The following ABCB6 variants were observed in gnomAD, a reference collection of about 807,000 sequenced individuals.
ABCB6 encodes the protein ATP-binding cassette sub-family B member 6.
A neutral mutation model predicts 99.4 loss-of-function variants in ABCB6; 87 were observed. That is an observed-to-expected ratio of 0.88 (90% CI 0.74 to 1.05). ABCB6 has a LOEUF of 1.05. Ranked by LOEUF, ABCB6 falls within the 50% of genes least tolerant of loss-of-function variation. The probability of loss-of-function intolerance (pLI) is 0.00; values close to 1 mark genes in which losing one functional copy is unlikely to be tolerated. For missense variants in ABCB6, 1,050 were observed against 1,097.9 expected, an observed-to-expected ratio of 0.96 and a Z score of 0.62; for synonymous variants, 482 against 447.5, an observed-to-expected ratio of 1.08 and a Z score of -0.97.
chr2:219,212,547 G>A (rs111766784), intron 13 of ABCB6, 56 bp from the exon 14 acceptor site: 701 of 1,341,270 alleles, frequency 5.2e-4, no homozygotes, highest in Middle Eastern at 9.1e-4. Flanking sequence ...TTTTGAGACC[G>A]AATCTCACTC....
rs114354921 is a variant in ABCB6 at position 219,212,539 on chromosome 2, T to C, written c.1864-48A>G. On this transcript the variant is annotated intron_variant, in intron 13 of 18. Coordinates refer to ENST00000265316, the MANE Select transcript of ABCB6 (RefSeq NM_005689.4). ...AATCTCAGGCCCACTGGCTTTTTTT[T>C]TGAGACCGAATCTCACTCCGTCACC... 5.2e-3 allele frequency: 7,561 copies of C among 1,463,282 alleles called. 41 individuals are homozygous for C. Among genetic ancestry groups the C allele is most frequent in the Non-Finnish European group, 5.1e-3 (5,402 of 1,050,456 alleles). The allele number at this position is 1,463,282 out of a possible 1,614,324, so 90.6% of individuals were successfully genotyped here.
At chr2:219,213,782 C>A (rs777349105) in intron 9 of ABCB6, 44 bp downstream of exon 9, 1 of 1,613,726 alleles carries the variant, frequency 6.2e-7, no homozygotes, top group Non-Finnish European at 8.5e-7. Flanking sequence ...CCTCAGGCCC[C>A]CTTTTCCTTG....
At position 219,209,837 on chromosome 2, in the gene ABCB6, T is replaced by C. The variant is rs1950551955; in HGVS notation, c.*101A>G. 1 of 928,108 alleles carries C rather than the reference T, an allele frequency of 1.1e-6. No homozygotes were observed. Among genetic ancestry groups the C allele is most frequent in the Non-Finnish European group, 1.8e-6 (1 of 564,226 alleles). 57.5% of individuals were successfully genotyped at this position (928,108 alleles called of 1,614,324 possible). On this transcript the variant is annotated 3_prime_UTR_variant, in exon 19 of 19. Transcript: ENST00000265316. ...AAAGGTCCCTTTCCCTTACCATAGC[T>C]AGCACCATACCCCAAGACCAGGATG...
chr2:219,218,398 AGCCAGGCCG>A lies in ABCB6; in HGVS notation c.267_275del (p.Leu91_Gly93del), dbSNP rs1333965835. ...CCCCCCGGGCAGTGCCCACCCGGCC[AGCCAGGCCG>A]GCCAGGGGCAGCGCCGCCTGAAGTG... On this transcript the variant is annotated inframe_deletion, in exon 1 of 19. Coordinates refer to ENST00000265316, the MANE Select transcript of ABCB6 (RefSeq NM_005689.4). The A allele has an allele frequency of 1.9e-6, 3 of 1,611,962 alleles. No homozygotes were observed. In the African/African-American group the frequency reaches 4.0e-5, roughly 22 times the overall value.
chr2:219,214,121 C>A lies in ABCB6; in HGVS notation c.1452G>T (p.Gln484His). ...ERYREAIIKY[Q>H]GLEWKSSASL... ...GGAGGCCTCAAACTAGCATCCTCAC[C>A]TGATATTTGATGATGGCCTCTCGAT... Residue 484 changes from glutamine to histidine, a missense_variant and splice_region_variant, in exon 8 of 19, where the codon CAG becomes CAT. Coordinates refer to ENST00000265316, the MANE Select transcript of ABCB6 (RefSeq NM_005689.4). The A allele has an allele frequency of 1.2e-6, 2 of 1,614,156 alleles. No individual in the cohort carries two copies. The highest frequency in any genetic ancestry group is 1.7e-6 in the Non-Finnish European group (2 of 1,180,008).
rs761787737 is a variant in ABCB6 at position 219,210,689 on chromosome 2, G to T, written c.2256+22C>A. On this transcript the variant is annotated intron_variant, in intron 16 of 18. Coordinates refer to ENST00000265316, the MANE Select transcript of ABCB6 (RefSeq NM_005689.4). The stretch of plus-strand genomic sequence containing the variant: ...TTGAGCATACACAAGGCAGGAAGGA[G>T]GGGAGGAGACCCAGGGCGCACCTCA... 5 of 1,613,090 alleles carry T rather than the reference G, an allele frequency of 3.1e-6. No homozygotes were observed. The Admixed American group carries it at 8.3e-5, about 27-fold the overall frequency.
intron 16 of ABCB6, 38 bp from the exon 17 acceptor site, chr2:219,210,513 C>G (rs1227606966): frequency 6.2e-7 from 1 of 1,607,528 alleles, no homozygotes; most frequent in Admixed American, 1.7e-5. Context: ...TCCTGCCACT[C>G]AAAACCCTCA....
In ABCB6 at chr2:219,216,360, A is replaced by C. The variant is rs2106428298; in HGVS notation, c.970+4T>G. On this transcript the variant is annotated splice_donor_region_variant and intron_variant, in intron 4 of 18. Transcript: ENST00000265316. The surrounding 1 kb of genome is among the most constrained non-coding windows in gnomAD (Gnocchi z 4.2). ...TAGCAGGGTGAGGGCGGAGTCTCTC[A>C]TACCTGTACTGCCAGTGCCACCCCC... The C allele has an allele frequency of 6.2e-7, 1 of 1,613,326 alleles. No individual in the cohort carries two copies. Among genetic ancestry groups the C allele is most frequent in the South Asian group, 1.1e-5 (1 of 91,072 alleles).
At position 219,211,335 on chromosome 2, in the gene ABCB6, A is replaced by G. The variant is rs560165135; in HGVS notation, c.1969-227T>C. ...TTTGTTTTGTTTTTGGATAGAGTCC[A>G]CTCTGTCACCCAGGCTGGACTGCAG... On this transcript the variant is annotated intron_variant, in intron 14 of 18. Coordinates refer to ENST00000265316, the MANE Select transcript of ABCB6 (RefSeq NM_005689.4). Among the ~76,000 whole-genome samples the G allele has an allele frequency of 7.9e-5, 12 of 152,136 alleles. No homozygotes were observed. In the South Asian group the frequency reaches 2.5e-3, roughly 32 times the overall value.
rs992333939 is a variant in ABCB6 at position 219,210,907 on chromosome 2, G to A, written c.2143+27C>T. 3.7e-6 allele frequency: 6 copies of A among 1,613,678 alleles called. No homozygotes were observed. The African/African-American group carries it at 5.3e-5, about 14-fold the overall frequency. ...TAGCAGGACAACACCAGGAGGGGAG[G>A]GGACTCTCTGCAAAGGAATCTCTCA... On this transcript the variant is annotated intron_variant, in intron 15 of 18. Transcript: ENST00000265316.
At chr2:219,215,855 TA>T in intron 5 of ABCB6, 141 bp downstream of exon 5, 2 of 847,442 alleles carry the variant, frequency 2.4e-6, no homozygotes, top group Non-Finnish European at 3.4e-6. Flanking sequence ...GGAGAGCATG[TA>T]TACAATAATC....
chr2:219,215,133 C>T, intron 5 of ABCB6, 51 bp from the exon 6 acceptor site: 5 of 1,610,564 alleles, frequency 3.1e-6, no homozygotes, highest in Non-Finnish European at 4.2e-6. Flanking sequence ...TTAGACCCAG[C>T]AACCCTGCCT....
In ABCB6 at chr2:219,213,878, A is replaced by T. The variant is rs1950607978; in HGVS notation, c.1526T>A (p.Leu509His). 1 of 1,614,186 alleles carries T rather than the reference A, an allele frequency of 6.2e-7. No homozygotes were observed. Among genetic ancestry groups the T allele is most frequent in the Non-Finnish European group, 8.5e-7 (1 of 1,180,046 alleles). Residue 509 changes from leucine to histidine, a missense_variant, in exon 9 of 19, where the codon CTC becomes CAC. By Grantham distance (99) the Leu-to-His change is moderately conservative (BLOSUM62 -3). Transcript: ENST00000265316. ...TGCGCAAAGCAGGGAGCCGGCGAGG[A>T]GCCCGAGCCCAATCACCAGGTTCTG... Reference protein sequence around the residue: ...QTQNLVIGLGLLAGSLLCAYF... With the variant: ...QTQNLVIGLGHLAGSLLCAYF...
chr2:219,210,826 G>C lies in ABCB6; in HGVS notation c.2144-3C>G. ...CTCGCCCACCTGTGTCCTGTACCCT[G>C]TGGATATTACCCACCACACGTTTCT... is the stretch of plus-strand genomic sequence containing the variant. On this transcript the variant is annotated splice_region_variant and splice_polypyrimidine_tract_variant and intron_variant, in intron 15 of 18. Coordinates refer to ENST00000265316, the MANE Select transcript of ABCB6 (RefSeq NM_005689.4). The C allele has an allele frequency of 6.2e-7, 1 of 1,613,884 alleles. No homozygotes were observed. The highest frequency in any genetic ancestry group is 8.5e-7 in the Non-Finnish European group (1 of 1,179,950).
intron 12 of ABCB6, 56 bp from the exon 13 acceptor site, chr2:219,213,121 T>C: frequency 1.2e-6 from 2 of 1,607,064 alleles, no homozygotes; most frequent in Non-Finnish European, 1.7e-6. Flanking sequence ...GAGCTGCTAG[T>C]AGGCCCTGCC....
At position 219,214,157 on chromosome 2, in the gene ABCB6, T is replaced by G; in HGVS notation, c.1416A>C (p.Glu472Asp). Residue 472 changes from glutamate to aspartate, a missense_variant, in exon 8 of 19, where the codon GAA becomes GAC. Coordinates refer to ENST00000265316, the MANE Select transcript of ABCB6 (RefSeq NM_005689.4). ...TVKYYNAESYEVERYREAIIK... is the reference protein window; with the variant it reads ...TVKYYNAESYDVERYREAIIK... ...TGATGGCCTCTCGATAGCGTTCCAC[T>G]TCGTAACTCTCGGCGTTGTAATACT... 1 of 1,614,194 alleles carries G rather than the reference T, an allele frequency of 6.2e-7. No individual in the cohort carries two copies. Among genetic ancestry groups the G allele is most frequent in the Non-Finnish European group, 8.5e-7 (1 of 1,180,036 alleles).
chr2:219,218,542 C>T lies in ABCB6; in HGVS notation c.132G>A (p.Leu44=). The change falls in exon 1 of 19, where the codon TTG becomes TTA. Residue 44 remains leucine, a synonymous_variant. Transcript: ENST00000265316. ...GGCGTCTGCAGGGAAGAGCCAGCAC[C>T]AAGGCCAGAGTCCCCAGAGCCATCC... ...STRMALGTLA[L]VLALPCRRRE... is the part of the protein sequence containing the mutation. The T allele has an allele frequency of 6.2e-7, 1 of 1,611,812 alleles. No homozygotes were observed.
Position 219,218,666 on chromosome 2 carries a change from G to A in ABCB6, c.8C>T (p.Thr3Ile), listed in dbSNP as rs1286332062. 2.5e-6 allele frequency: 4 copies of A among 1,575,984 alleles called. No individual in the cohort carries two copies. The highest frequency in any genetic ancestry group is 3.4e-6 in the Non-Finnish European group (4 of 1,160,928). ...TTCGGCCTCGCAGTAGTTGCCCACA[G>A]TCACCATGGCAATGCGTGGACGCCG... MV[T>I]VGNYCEAEGP... is the part of the protein sequence containing the mutation. Residue 3 changes from threonine (T) to isoleucine (I), a missense_variant, in exon 1 of 19, where the codon ACT (threonine) becomes ATT (isoleucine). Thr to Ile is a moderately conservative substitution (Grantham distance 89, BLOSUM62 -1). Coordinates refer to ENST00000265316, the MANE Select transcript of ABCB6 (RefSeq NM_005689.4).
At chr2:219,210,595 A>G (rs1028523531) in intron 16 of ABCB6, 116 bp downstream of exon 16, 3 of 1,591,430 alleles carry the variant, frequency 1.9e-6, no homozygotes, top group Admixed American at 1.7e-5. Context: ...GAGAACTGGA[A>G]AGTGTGTTTT....
Sources: gnomAD v4.1 joint callset for allele counts (sites outside exome capture counted in the v4.1 genomes callset) on GRCh38, gnomAD v4.1.1 for gene constraint, Gnocchi (gnomAD v3.1) non-coding constraint, MANE v1.5 for transcripts, NCBI Gene and HGNC (gene_info 2026-07-23, HGNC 2026-07-21) for gene names.